The following GRXCR2 variants were observed in gnomAD, a reference collection of about 807,000 sequenced individuals.
The protein encoded by GRXCR2 is glutaredoxin and cysteine rich domain containing 2.
GRXCR2 carries 23 observed loss-of-function variants against 24.8 expected under a neutral mutation model. The ratio of observed to expected loss-of-function variants is 0.93; its 90% CI spans 0.67 to 1.32. The LOEUF (loss-of-function observed/expected upper bound fraction) is 1.32, where lower values mean the gene tolerates loss of function less well. Ranked by LOEUF, GRXCR2 falls within the 40% of genes most tolerant of loss-of-function variation. The pLI is 0.00. For missense variants in GRXCR2, 315 were observed against 303.4 expected (o/e 1.04, Z -0.28); for synonymous variants, 130 against 116.1 (o/e 1.12, Z -0.77).
chr5:145,929,223 A>C (rs982692714), intron 2 of GRXCR2, among the ~76,000 whole-genome samples: 1 of 142,900 alleles, frequency 7.0e-6, no homozygotes, highest in Non-Finnish European at 1.5e-5. Flanking sequence ...ATATATATAT[A>C]TCACCATTTA....
rs1381267688 is a variant in GRXCR2 at position 145,859,684 on chromosome 5, A to G, written c.*49T>C. The G allele has an allele frequency of 1.3e-6, 2 of 1,584,738 alleles. No homozygotes were observed. The highest frequency in any genetic ancestry group is 3.4e-5 in the Admixed American group (2 of 59,668). On this transcript the variant is annotated 3_prime_UTR_variant, in exon 3 of 3. Coordinates refer to ENST00000377976, the MANE Select transcript of GRXCR2 (RefSeq NM_001080516.2). ...GAGGAGAAGGGGGCGGTTTATTAGA[A>G]ATAACTTTAGGGAGGGTAAGATAAC...
Position 145,914,638 on chromosome 5 carries a change from A to T in GRXCR2, c.-70+21063T>A, listed in dbSNP as rs1437234246. 2.7e-5 allele frequency among the ~76,000 whole-genome samples: 4 copies of T among 146,524 alleles called. No homozygotes were observed. The Admixed American group carries it at 2.8e-4, about 10-fold the overall frequency. On this transcript the variant is annotated intron_variant, in intron 2 of 3. Transcript: ENST00000639411. The stretch of plus-strand genomic sequence containing the variant: ...TTGCAGTGAGCCGAGATGGTGTCAT[A>T]GCACTCCAGCCTGGGTGATCGAACA...
At chr5:145,885,109 G>C (rs1167757500) in intron 2 of GRXCR2, among the ~76,000 whole-genome samples, 1 of 151,342 alleles carries the variant, frequency 6.6e-6, no homozygotes, top group African/African-American at 2.4e-5. Context: ...GTGTGTGTGT[G>C]TGTGTGTGTG....
intron 2 of GRXCR2, among the ~76,000 whole-genome samples, chr5:145,928,951 A>G (rs938283219): frequency 6.6e-6 from 1 of 152,050 alleles, no homozygotes; most frequent in African/African-American, 2.4e-5. Flanking sequence ...TAGAACAATT[A>G]CAAACATACA....
chr5:145,897,181 G>A (rs1294029941), intron 2 of GRXCR2, among the ~76,000 whole-genome samples: 1 of 151,618 alleles, frequency 6.6e-6, no homozygotes, highest in African/African-American at 2.4e-5. Context: ...AATGTTAAAT[G>A]ATGAGTTAAT....
chr5:145,876,294 T>A (rs1362557517), upstream of GRXCR2, among the ~76,000 whole-genome samples: 1 of 148,900 alleles, frequency 6.7e-6, no homozygotes, highest in African/African-American at 2.5e-5. Flanking sequence ...TTTTTTTTTT[T>A]GAGACAGGGT....
chr5:145,907,741 G>C (rs1757112107), intron 2 of GRXCR2, among the ~76,000 whole-genome samples: 1 of 152,104 alleles, frequency 6.6e-6, no homozygotes, highest in Admixed American at 6.6e-5. Flanking sequence ...GAAGTGTTGG[G>C]GAAGAAGAAT....
chr5:145,901,266 A>G (rs868141366), intron 2 of GRXCR2, among the ~76,000 whole-genome samples: 3 of 152,230 alleles, frequency 2.0e-5, no homozygotes, highest in Non-Finnish European at 4.4e-5. Flanking sequence ...ATACCCAAGT[A>G]TATTATGCAC....
At chr5:145,889,193 A>AAAGAAAGAAAGAAAGAAAGG (rs1756824187) in intron 2 of GRXCR2, among the ~76,000 whole-genome samples, 1 of 146,044 alleles carries the variant, frequency 6.8e-6, no homozygotes, top group African/African-American at 2.5e-5. Context: ...AGAAAGAAAG[A>AAAGAAAGAAAGAAAGAAAGG]AAGAAAGAAA....
Position 145,907,286 on chromosome 5 carries a change from T to C in GRXCR2, c.-70+28415A>G, listed in dbSNP as rs560563727. 2.0e-5 allele frequency among the ~76,000 whole-genome samples: 3 copies of C among 152,234 alleles called. No individual in the cohort carries two copies. In the South Asian group the frequency reaches 6.2e-4, roughly 32 times the overall value. ...GTTCACACCTGTAATCCCAGCACTT[T>C]GGGAGGCCAAGGCAGGAGGATCTTT... On this transcript the variant is annotated intron_variant, in intron 2 of 3. Coordinates refer to the GRXCR2 transcript ENST00000639411.
chr5:145,906,193 C>G (rs1757088182), intron 2 of GRXCR2, among the ~76,000 whole-genome samples: 1 of 152,060 alleles, frequency 6.6e-6, no homozygotes, highest in Non-Finnish European at 1.5e-5. Flanking sequence ...GGCCTGATAC[C>G]CCCACTCTCT....
chr5:145,887,489 T>C (rs943852838), intron 2 of GRXCR2, among the ~76,000 whole-genome samples: 2 of 152,224 alleles, frequency 1.3e-5, no homozygotes, highest in Non-Finnish European at 2.9e-5. Flanking sequence ...GTACTCAAAA[T>C]GAATGAACAC....
chr5:145,862,124 G>A (rs1756348837), intron 2 of GRXCR2, among the ~76,000 whole-genome samples: 1 of 152,096 alleles, frequency 6.6e-6, no homozygotes, highest in African/African-American at 2.4e-5. Flanking sequence ...TTTATGTTTT[G>A]TACTTCATCC....
chr5:145,889,141 G>A (rs1402727560), intron 2 of GRXCR2, among the ~76,000 whole-genome samples: 1 of 146,226 alleles, frequency 6.8e-6, no homozygotes, highest in African/African-American at 2.5e-5. Flanking sequence ...TCCAGCTTGA[G>A]CTGGGTGACA....
chr5:145,912,927 G>A (rs1275049993), intron 2 of GRXCR2, among the ~76,000 whole-genome samples: 1 of 152,216 alleles, frequency 6.6e-6, no homozygotes, highest in Non-Finnish European at 1.5e-5. Context: ...CCATTGAAAG[G>A]TTTTAAGGAG....
chr5:145,880,417 C>T (rs562777469), intron 2 of GRXCR2, among the ~76,000 whole-genome samples: 50 of 152,230 alleles, frequency 3.3e-4, no homozygotes, highest in African/African-American at 1.1e-3. Context: ...ACCATAAACA[C>T]GTCTATGCAA....
intron 2 of GRXCR2, among the ~76,000 whole-genome samples, chr5:145,881,265 G>C (rs1411906497): frequency 6.6e-6 from 1 of 152,220 alleles, no homozygotes; most frequent in East Asian, 1.9e-4. Context: ...TGATGTGATT[G>C]TATATTTAGA....
chr5:145,876,648 G>A (rs1256528284), upstream of GRXCR2, among the ~76,000 whole-genome samples: 1 of 152,040 alleles, frequency 6.6e-6, no homozygotes, highest in Non-Finnish European at 1.5e-5. Context: ...AAACAAAGCT[G>A]GAGGTGAGTT....
At chr5:145,922,958 T>A (rs1432771) in intron 2 of GRXCR2, among the ~76,000 whole-genome samples, 98,963 of 152,214 alleles carry the variant, frequency 0.65, 33,650 homozygotes, top group African/African-American at 0.84. Flanking sequence ...GCATTGCAGG[T>A]CCTTCAAACA....
Sources: allele counts gnomAD v4.1 joint callset (sites outside exome capture counted in the v4.1 genomes callset), GRCh38; gene constraint gnomAD v4.1.1; transcripts MANE v1.5; gene names NCBI Gene and HGNC (gene_info 2026-07-23, HGNC 2026-07-21).